The following SGK1 variants were observed in gnomAD, a reference collection of about 807,000 sequenced individuals.
SGK1 encodes the protein serine/threonine-protein kinase Sgk1.
SGK1 carries 26 observed loss-of-function variants against 64.2 expected under a neutral mutation model. The ratio of observed to expected loss-of-function variants is 0.40; its 90% confidence interval spans 0.30 to 0.56. SGK1 has a LOEUF of 0.56. Ranked by LOEUF, SGK1 falls within the 20% of genes least tolerant of loss-of-function variation. SGK1 has a pLI of 0.38. For synonymous variants in SGK1, 265 were observed against 239.7 expected, an observed-to-expected ratio of 1.11 and a Z score of -0.98; for missense variants, 519 against 645.6, an observed-to-expected ratio of 0.80 and a Z score of 2.12.
chr6:134,182,869 C>T (rs147505919), intron 3 of SGK1, among the ~76,000 whole-genome samples: 1 of 152,326 alleles, frequency 6.6e-6, no homozygotes, highest in African/African-American at 2.4e-5. Flanking sequence ...TGAATAAAGA[C>T]TTGTTTACCA....
Position 134,169,282 on chromosome 6 carries a change from A to G in SGK1, c.*986T>C, listed in dbSNP as rs761413514. ...ATTTTTCAAGGTTTTATTGCAAACC[A>G]AAATCAGTTTATCACACACAAAAAA... On this transcript the variant is annotated 3_prime_UTR_variant, in exon 14 of 14. Transcript: ENST00000367858. The G allele has an allele frequency of 6.6e-6, 1 of 152,662 alleles. No individual in the cohort carries two copies. The highest frequency in any genetic ancestry group is 1.5e-5 in the Non-Finnish European group (1 of 68,048). The allele number at this position is 152,662 out of a possible 1,614,324, so 9.5% of individuals were successfully genotyped here.
intron 3 of SGK1, among the ~76,000 whole-genome samples, chr6:134,198,574 T>G (rs1354397897): frequency 6.6e-6 from 1 of 152,000 alleles, no homozygotes; most frequent in Non-Finnish European, 1.5e-5. Flanking sequence ...TTTTATATAT[T>G]CTCTGAAATA....
At chr6:134,220,076 AAAAAAAAAAAAGAAAAG>A (rs1392798368) in intron 2 of SGK1, among the ~76,000 whole-genome samples, 18 of 144,926 alleles carry the variant, frequency 1.2e-4, no homozygotes, top group Non-Finnish European at 2.3e-4. Flanking sequence ...AAAAAAAAAA[AAAAAAAAAAAAGAAAAG>A]AAAAGAAAAG....
rs1411296983 is a variant in SGK1 at position 134,175,960 on chromosome 6, G to A, written c.362-1374C>T. 2.6e-6 allele frequency: 3 copies of A among 1,153,410 alleles called. No homozygotes were observed. The African/African-American group carries it at 4.8e-5, about 18-fold the overall frequency. 71.4% of individuals were successfully genotyped at this position (1,153,410 alleles called of 1,614,324 possible). ...AGGGGAGGGGGCGGAAATAAAAGTC[G>A]TCTCTGCACTAAAGGAAGAAGTACA... On this transcript the variant is annotated intron_variant, in intron 3 of 13. Transcript: ENST00000367858.
chr6:134,243,079 T>C (rs143660137), intron 2 of SGK1, among the ~76,000 whole-genome samples: 2,261 of 151,972 alleles, frequency 0.015, 42 homozygotes, highest in African/African-American at 0.049. Flanking sequence ...AGAATGATTC[T>C]CATGTCTTCC....
At chr6:134,241,012 G>T (rs1447554400) in intron 2 of SGK1, among the ~76,000 whole-genome samples, 2 of 151,460 alleles carry the variant, frequency 1.3e-5, no homozygotes, top group East Asian at 3.9e-4. Context: ...CTCAATTAAG[G>T]CAGCACTTTC....
chr6:134,232,483 G>GAAAGAAAGAAAGAAAGAA (rs1554222987), intron 2 of SGK1, among the ~76,000 whole-genome samples: 1 of 119,506 alleles, frequency 8.4e-6, no homozygotes, highest in African/African-American at 3.5e-5. Context: ...AAGAAAGAAA[G>GAAAGAAAGAAAGAAAGAA]AGAAAGAAAA....
At chr6:134,273,376 G>A (rs1776968793) in intron 1 of SGK1, among the ~76,000 whole-genome samples, 1 of 146,582 alleles carries the variant, frequency 6.8e-6, no homozygotes, top group Admixed American at 7.0e-5. Context: ...GGATCACGAG[G>A]TCAGGAGATC....
chr6:134,198,502 T>G (rs1775629963), intron 3 of SGK1, among the ~76,000 whole-genome samples: 1 of 152,146 alleles, frequency 6.6e-6, no homozygotes, highest in Non-Finnish European at 1.5e-5. Flanking sequence ...AATTGTTTTC[T>G]TTACTTTAAA....
At chr6:134,311,642 C>G (rs1477676886) in intron 1 of SGK1, among the ~76,000 whole-genome samples, 1 of 152,112 alleles carries the variant, frequency 6.6e-6, no homozygotes, top group Non-Finnish European at 1.5e-5. Flanking sequence ...CAGAGTGAGA[C>G]TGTATGAAAA....
At chr6:134,278,707 C>A (rs975243527) in intron 1 of SGK1, among the ~76,000 whole-genome samples, 1 of 151,916 alleles carries the variant, frequency 6.6e-6, no homozygotes, top group Admixed American at 6.6e-5. Flanking sequence ...AAAAAGATAT[C>A]TATGAAGTAC....
chr6:134,196,465 T>TA (rs919079208), intron 3 of SGK1, among the ~76,000 whole-genome samples: 33 of 151,498 alleles, frequency 2.2e-4, no homozygotes, highest in African/African-American at 7.7e-4. Context: ...TAATTTACCC[T>TA]AAAAAAAATT....
In SGK1 at chr6:134,210,635, CA is replaced by C. The variant is rs760800753; in HGVS notation, c.286-3205del. On this transcript the variant is annotated intron_variant, in intron 2 of 13. Coordinates refer to ENST00000367858, the MANE Select transcript of SGK1 (RefSeq NM_001143676.3). ...GGTCAGGAGTTCGAGACCAGCCTGGCAAACATGGTGAAACCCCATCTCTATT... is the reference window on the plus strand; with the variant it reads ...GGTCAGGAGTTCGAGACCAGCCTGGCAACATGGTGAAACCCCATCTCTATT... 3.1e-4 allele frequency among the ~76,000 whole-genome samples: 47 copies of C among 151,544 alleles called. 1 individual carries two copies. The highest frequency in any genetic ancestry group is 2.9e-3 in the South Asian group (14 of 4,784).
At chr6:134,228,841 C>CTTTTTTTTTTTT (rs754300980) in intron 2 of SGK1, among the ~76,000 whole-genome samples, 1 of 129,960 alleles carries the variant, frequency 7.7e-6, no homozygotes, top group Non-Finnish European at 1.6e-5. Flanking sequence ...TGTAGTTGTT[C>CTTTTTTTTTTTT]TTTTTTTTTT....
Position 134,314,587 on chromosome 6 carries a change from G to A in SGK1, c.69+2805C>T, listed in dbSNP as rs368794580. On this transcript the variant is annotated intron_variant, in intron 1 of 13. Coordinates refer to ENST00000367858, the MANE Select transcript of SGK1 (RefSeq NM_001143676.3). ...TATAGGGTTACTGTGAATATTAAAT[G>A]AGCTAATACATGTAAAGCATTCCTA... 1.3e-3 allele frequency among the ~76,000 whole-genome samples: 196 copies of A among 152,216 alleles called. 2 individuals carry two copies. In the South Asian group the frequency reaches 0.04, roughly 31 times the overall value.
intron 1 of SGK1, among the ~76,000 whole-genome samples, chr6:134,313,562 C>T (rs879382108): frequency 2.0e-5 from 3 of 151,462 alleles, no homozygotes; most frequent in Non-Finnish European, 4.4e-5. Flanking sequence ...GGAAAGCACA[C>T]GAGATCTGGA....
chr6:134,313,971 AT>A (rs887173547), intron 1 of SGK1, among the ~76,000 whole-genome samples: 3 of 152,206 alleles, frequency 2.0e-5, no homozygotes, highest in Non-Finnish European at 2.9e-5. Context: ...TGATAAGGAC[AT>A]TTTTCCATTC....
At chr6:134,239,531 A>G (rs978084043) in intron 2 of SGK1, among the ~76,000 whole-genome samples, 4 of 152,208 alleles carry the variant, frequency 2.6e-5, no homozygotes, top group African/African-American at 9.6e-5. Flanking sequence ...AAATTAAGAG[A>G]TTGGGCTACG....
chr6:134,220,058 CAAAAAAAAAAAAAAAAAAA>C (rs55870107), intron 2 of SGK1, among the ~76,000 whole-genome samples: 1 of 61,380 alleles, frequency 1.6e-5, no homozygotes, highest in Non-Finnish European at 2.5e-5. Context: ...GACTCCGTCT[CAAAAAAAAAAAAAAAAAAA>C]AAAAAAAAAA....
Sources: allele counts gnomAD v4.1 joint callset (sites outside exome capture counted in the v4.1 genomes callset), GRCh38; gene constraint gnomAD v4.1.1; transcripts MANE v1.5; gene names NCBI Gene and HGNC (gene_info 2026-07-23, HGNC 2026-07-21).